Variants in KATNAL2 observed in about 807,000 individuals in gnomAD.
KATNAL2 encodes the protein katanin catalytic subunit A1 like 2.
KATNAL2 carries 52 observed loss-of-function variants against 76.3 expected under a neutral mutation model. The observed-to-expected ratio is 0.68, with a 90% CI of 0.55 to 0.86. KATNAL2 has a LOEUF of 0.86. KATNAL2 is among the 40% of genes least tolerant of loss of function. KATNAL2 has a pLI of 0.00. For synonymous variants in KATNAL2, 243 were observed against 244.2 expected (o/e 1.00, Z 0.05); for missense variants, 660 against 668.9 (o/e 0.99, Z 0.15).
At chr18:47,034,514 C>G in intron 3 of KATNAL2, 1 of 1,614,214 alleles carries the variant, frequency 6.2e-7, no homozygotes. Context: ...CATGATTTCT[C>G]CCTGATCAAA....
At chr18:47,068,263 T>A (rs1199356986) in intron 11 of KATNAL2, among the ~76,000 whole-genome samples, 1 of 152,194 alleles carries the variant, frequency 6.6e-6, no homozygotes, top group Non-Finnish European at 1.5e-5. Context: ...TGAATTTATT[T>A]TATTGAATAA....
chr18:46,946,632 C>T, intron 2 of KATNAL2, 86 bp downstream of exon 2: 1 of 888,992 alleles, frequency 1.1e-6, no homozygotes, highest in Non-Finnish European at 1.3e-6. Context: ...CTCTAACAAT[C>T]TTCCCTCTTC....
chr18:47,100,509 G>A (rs567858068), intron 17 of KATNAL2, among the ~76,000 whole-genome samples, 153 bp downstream of exon 17: 1 of 152,196 alleles, frequency 6.6e-6, no homozygotes, highest in South Asian at 2.1e-4. Context: ...ATTCCTCCGT[G>A]GGTGTTCTGA....
intron 15 of KATNAL2, among the ~76,000 whole-genome samples, chr18:47,081,549 C>T (rs1183944733): frequency 6.6e-6 from 1 of 152,212 alleles, no homozygotes; most frequent in African/African-American, 2.4e-5. Flanking sequence ...CCAAAAGCCA[C>T]ATGTGGCTGG....
chr18:47,084,064 G>C (rs1035867032), intron 15 of KATNAL2, among the ~76,000 whole-genome samples: 11 of 152,196 alleles, frequency 7.2e-5, no homozygotes, highest in Non-Finnish European at 1.0e-4. Flanking sequence ...GGAATAAAAT[G>C]GTTCTGATTC....
intron 13 of KATNAL2, 32 bp from the exon 14 acceptor site, chr18:47,075,245 C>T (rs2062159341): frequency 3.9e-6 from 6 of 1,525,568 alleles, no homozygotes; most frequent in Non-Finnish European, 5.3e-6. Flanking sequence ...AGTCTATAAG[C>T]TTGAACACTT....
chr18:46,932,285 A>G (rs1035034317), intron 1 of KATNAL2, among the ~76,000 whole-genome samples: 1 of 152,226 alleles, frequency 6.6e-6, no homozygotes, highest in African/African-American at 2.4e-5. Flanking sequence ...CCATAATTAT[A>G]GATTCTGCAG....
At chr18:47,033,935 C>A (rs936035384) in intron 3 of KATNAL2, 1 of 1,612,918 alleles carries the variant, frequency 6.2e-7, no homozygotes, top group Admixed American at 1.7e-5. Flanking sequence ...TCAGCGCCGG[C>A]CGCCTGCAGC....
At chr18:47,085,943 A>G (rs1332617553) in intron 15 of KATNAL2, among the ~76,000 whole-genome samples, 1 of 152,008 alleles carries the variant, frequency 6.6e-6, no homozygotes, top group Non-Finnish European at 1.5e-5. Flanking sequence ...TTGTTAAAAA[A>G]TCAGCCAGGC....
chr18:47,065,620 C>T (rs1363349873), intron 10 of KATNAL2, among the ~76,000 whole-genome samples: 1 of 151,882 alleles, frequency 6.6e-6, no homozygotes, highest in African/African-American at 2.4e-5. Context: ...TGCACTGTAG[C>T]CTGGGTGACA....
intron 15 of KATNAL2, among the ~76,000 whole-genome samples, chr18:47,086,763 G>A (rs1477155481): frequency 1.3e-5 from 2 of 152,178 alleles, no homozygotes; most frequent in African/African-American, 2.4e-5. Flanking sequence ...CCCATATGAC[G>A]AGGAAAGAAG....
At chr18:47,045,918 C>T (rs1368466074) in intron 3 of KATNAL2, among the ~76,000 whole-genome samples, 2 of 152,170 alleles carry the variant, frequency 1.3e-5, no homozygotes, top group African/African-American at 2.4e-5. Flanking sequence ...CAGGAGTTGT[C>T]CTTTTATGGC....
chr18:47,071,188 C>T (rs900860165), intron 13 of KATNAL2, among the ~76,000 whole-genome samples: 1 of 152,096 alleles, frequency 6.6e-6, no homozygotes, highest in Admixed American at 6.5e-5. Flanking sequence ...TTTGTAGAAA[C>T]CAGGTTTCAC....
intron 3 of KATNAL2, among the ~76,000 whole-genome samples, chr18:47,044,782 AAC>A (rs1569072820): frequency 4.8e-5 from 7 of 144,898 alleles, no homozygotes; most frequent in Non-Finnish European, 6.0e-5. Flanking sequence ...CAAAAACAAA[AAC>A]AAAAACAGTT....
intron 3 of KATNAL2, among the ~76,000 whole-genome samples, chr18:46,961,461 A>G (rs998146803): frequency 3.3e-5 from 5 of 152,254 alleles, no homozygotes; most frequent in African/African-American, 7.2e-5. Context: ...TCTGATAAAC[A>G]AAGGTAGCAA....
In KATNAL2 at chr18:47,034,091, A is replaced by G. The variant is rs768688500; in HGVS notation, c.52-12366A>G. ...CCAGTCTTTTTCTTTTGCTTCCGCA[A>G]CTGATCGTAGGTGAGGTATTTTTCA... On this transcript the variant is annotated intron_variant, in intron 3 of 17. Transcript: ENST00000683218. 3 of 1,614,032 alleles carry G rather than the reference A, an allele frequency of 1.9e-6. No homozygotes were observed. In the East Asian group the frequency reaches 6.7e-5, roughly 36 times the overall value.
chr18:47,043,245 A>AAAAAAAAAAAAAAAAAAAAAAG (rs376877321), intron 3 of KATNAL2, among the ~76,000 whole-genome samples: 6 of 93,174 alleles, frequency 6.4e-5, no homozygotes, highest in South Asian at 4.1e-4. Context: ...AAAAAAAAAA[A>AAAAAAAAAAAAAAAAAAAAAAG]GAGATCCTAA....
intron 3 of KATNAL2, among the ~76,000 whole-genome samples, chr18:46,947,375 T>G (rs1349261998): frequency 6.6e-6 from 1 of 152,216 alleles, no homozygotes; most frequent in Non-Finnish European, 1.5e-5. Context: ...TTAATTCCCC[T>G]CTTGGGCTTC....
At chr18:47,098,200 C>A (rs533428384) in intron 15 of KATNAL2, 23 of 355,548 alleles carry the variant, frequency 6.5e-5, no homozygotes, top group Middle Eastern at 4.6e-4. Context: ...TCCAGCCTGG[C>A]GACAGAGCAA....
Sources: gnomAD v4.1 joint callset for allele counts (sites outside exome capture counted in the v4.1 genomes callset) on GRCh38, gnomAD v4.1.1 for gene constraint, MANE v1.5 for transcripts, NCBI Gene and HGNC (gene_info 2026-07-23, HGNC 2026-07-21) for gene names.